PCDHGB2: variants seen among roughly 807,000 people sequenced by gnomAD.
PCDHGB2 encodes protocadherin gamma subfamily B, 2.
Under a neutral mutation model 59.3 loss-of-function variants are expected in PCDHGB2, and 55 were observed. That is an observed-to-expected ratio of 0.93 (90% CI 0.75 to 1.16). The LOEUF (loss-of-function observed/expected upper bound fraction) is 1.16, where lower values mean the gene tolerates loss of function less well. PCDHGB2 is among the 50% of genes most tolerant of loss of function. The pLI is 0.00. For missense variants in PCDHGB2, 1,228 were observed against 1,198.5 expected (o/e 1.02, Z -0.36); for synonymous variants, 516 against 512.0 (o/e 1.01, Z -0.11).
intron 1 of PCDHGB2, chr5:141,478,182 AT>A: frequency 6.2e-7 from 1 of 1,613,984 alleles, no homozygotes. Context: ...CAGAAAAAAA[AT>A]CTCACCTTTT....
At position 141,490,870 on chromosome 5, in the gene PCDHGB2, T is replaced by C; in HGVS notation, c.2422-3937T>C. Reference sequence around the variant, plus strand: ...GGTTCGAGACTCCGGCTCTCCCCCATTGCATGCCAACACATCTCTGCATGT... The same window carrying C: ...GGTTCGAGACTCCGGCTCTCCCCCACTGCATGCCAACACATCTCTGCATGT... On this transcript the variant is annotated intron_variant, in intron 1 of 3. Coordinates refer to ENST00000522605, the MANE Select transcript of PCDHGB2 (RefSeq NM_018923.3). The surrounding 1 kb of genome is among the most constrained non-coding windows in gnomAD (Gnocchi z 5.4). 6.2e-7 allele frequency: 1 copy of C among 1,613,888 alleles called. No homozygotes were observed. Among genetic ancestry groups the C allele is most frequent in the Non-Finnish European group, 8.5e-7 (1 of 1,179,932 alleles).
chr5:141,398,298 C>T (rs746476042), intron 1 of PCDHGB2: 1 of 1,362,258 alleles, frequency 7.3e-7, no homozygotes, highest in South Asian at 1.3e-5. Flanking sequence ...TGGGGTTCAG[C>T]GTCCAGGAGT....
chr5:141,366,544 G>A (rs368873957), intron 1 of PCDHGB2: 4 of 1,614,230 alleles, frequency 2.5e-6, no homozygotes, highest in Admixed American at 1.7e-5. Flanking sequence ...TGCCCGCCTC[G>A]CACTTTGTGG....
chr5:141,403,577 C>A (rs1188693688), intron 1 of PCDHGB2: 5 of 1,613,812 alleles, frequency 3.1e-6, no homozygotes, highest in Non-Finnish European at 3.4e-6. Context: ...AACTGCCCAC[C>A]ACCTGGTCCT....
Position 141,477,350 on chromosome 5 carries a change from A to G in PCDHGB2, c.2422-17457A>G. The G allele has an allele frequency of 6.2e-7, 1 of 1,614,142 alleles. No individual in the cohort carries two copies. Among genetic ancestry groups the G allele is most frequent in the Non-Finnish European group, 8.5e-7 (1 of 1,180,016 alleles). On this transcript the variant is annotated intron_variant, in intron 1 of 3. Transcript: ENST00000522605. The surrounding 1 kb of genome is among the most constrained non-coding windows in gnomAD (Gnocchi z 4.9). ...CAAGAATTACTTCACTTTGAAAACC[A>G]GTGCAGACCTGGATCGGGAGACTGT...
rs2099426122 is a variant in PCDHGB2 at position 141,477,960 on chromosome 5, A to C, written c.2422-16847A>C. On this transcript the variant is annotated intron_variant, in intron 1 of 3. Coordinates refer to ENST00000522605, the MANE Select transcript of PCDHGB2 (RefSeq NM_018923.3). This position sits in a 1 kb window ranked among gnomAD's most constrained non-coding sequence, Gnocchi z 4.9. ...TCCTACAGTCTCTTGGGATCCCCTAACCAGAGCCTTTTTGCCATAGGGCTG... is the reference window on the plus strand; with the variant it reads ...TCCTACAGTCTCTTGGGATCCCCTACCCAGAGCCTTTTTGCCATAGGGCTG... 1 of 1,613,952 alleles carries C rather than the reference A, an allele frequency of 6.2e-7. No individual in the cohort carries two copies. Among genetic ancestry groups the C allele is most frequent in the African/African-American group, 1.3e-5 (1 of 74,922 alleles).
chr5:141,375,411 C>T lies in PCDHGB2; in HGVS notation c.2421+12855C>T, dbSNP rs73265852. Reference sequence around the variant, plus strand: ...GAAACAATCATCTCTCTAAATGTGGCAGACACCAACGACAACCCGCCCACC... The same window carrying T: ...GAAACAATCATCTCTCTAAATGTGGTAGACACCAACGACAACCCGCCCACC... On this transcript the variant is annotated intron_variant, in intron 1 of 3. Coordinates refer to ENST00000522605, the MANE Select transcript of PCDHGB2 (RefSeq NM_018923.3). 1.5e-3 allele frequency: 2,401 copies of T among 1,613,970 alleles called. 32 individuals are homozygous for T. In the African/African-American group the frequency reaches 0.028, roughly 19 times the overall value.
chr5:141,403,324 T>G (rs769971532), intron 1 of PCDHGB2: 1 of 1,613,974 alleles, frequency 6.2e-7, no homozygotes, highest in East Asian at 2.2e-5. Context: ...TAGAAGTAAC[T>G]GATATTAACG....
intron 1 of PCDHGB2, chr5:141,379,639 A>G (rs1775719450): frequency 6.6e-6 from 1 of 152,198 alleles, no homozygotes; most frequent in African/African-American, 2.4e-5. Context: ...CTCTGATGGA[A>G]AAACTACCAA....
chr5:141,393,776 C>T (rs752900835), intron 1 of PCDHGB2: 10 of 1,613,596 alleles, frequency 6.2e-6, no homozygotes, highest in South Asian at 5.5e-5. Context: ...AAATACAAGC[C>T]GAAGATGTGG....
At chr5:141,387,099 T>C (rs997819435) in intron 1 of PCDHGB2, among the ~76,000 whole-genome samples, 3 of 152,210 alleles carry the variant, frequency 2.0e-5, no homozygotes, top group Admixed American at 1.3e-4. Context: ...GAAATGAGAA[T>C]CACATAATAT....
chr5:141,498,673 T>C (rs1158071657), intron 2 of PCDHGB2, among the ~76,000 whole-genome samples: 1 of 152,180 alleles, frequency 6.6e-6, no homozygotes, highest in Non-Finnish European at 1.5e-5. Flanking sequence ...GGCTCACGCC[T>C]GTAATCCCAG....
chr5:141,371,686 C>T (rs377384867), intron 1 of PCDHGB2: 11 of 1,614,026 alleles, frequency 6.8e-6, no homozygotes, highest in Non-Finnish European at 9.3e-6. Flanking sequence ...GGCAATCCAC[C>T]GCTCTCCTCC....
At chr5:141,459,945 G>T (rs113794146) in intron 1 of PCDHGB2, among the ~76,000 whole-genome samples, 54 of 152,164 alleles carry the variant, frequency 3.5e-4, no homozygotes, top group Middle Eastern at 3.2e-3. Flanking sequence ...GGGCGTGATG[G>T]CAGGTGCCTG....
At chr5:141,416,913 G>C (rs2096067624) in intron 1 of PCDHGB2, 1 of 151,920 alleles carries the variant, frequency 6.6e-6, no homozygotes, top group South Asian at 2.1e-4. Context: ...ACACTCTTTA[G>C]GGTCATAGTT....
At chr5:141,458,651 C>T (rs924873907) in intron 1 of PCDHGB2, among the ~76,000 whole-genome samples, 1 of 152,114 alleles carries the variant, frequency 6.6e-6, no homozygotes. Context: ...CTCACTGCAA[C>T]CTCCACCTCT....
rs70988802 is a variant in PCDHGB2 at position 141,450,006 on chromosome 5, C to CTA, written c.2422-44800_2422-44799insAT. ...CACATTGCATTTAGTTGCCATGTCT[C>CTA]TTTTTTTTTTTTTTTTTTGAGACAG... On this transcript the variant is annotated intron_variant, in intron 1 of 3. Coordinates refer to ENST00000522605, the MANE Select transcript of PCDHGB2 (RefSeq NM_018923.3). Among the ~76,000 whole-genome samples the CTA allele has an allele frequency of 6.0e-5, 8 of 132,986 alleles. 1 individual carries two copies. The highest frequency in any genetic ancestry group is 9.5e-5 in the Non-Finnish European group (6 of 62,926). The allele number at this position is 132,986 out of a possible 152,430, so 87.2% of individuals were successfully genotyped here. A position where few individuals can be genotyped will look rare whatever the true frequency, so the allele number is the denominator to read the frequency against.
Position 141,384,796 on chromosome 5 carries a change from C to A in PCDHGB2, c.2421+22240C>A, listed in dbSNP as rs1182973938. 1 of 1,613,330 alleles carries A rather than the reference C, an allele frequency of 6.2e-7. No homozygotes were observed. Among genetic ancestry groups the A allele is most frequent in the African/African-American group, 1.3e-5 (1 of 74,956 alleles). ...CGAGGTGCGCACGGCTCGGGCCCTG[C>A]TGGACAGAGATGCCCTCAAGCAGAG... is the stretch of plus-strand genomic sequence containing the variant. On this transcript the variant is annotated intron_variant, in intron 1 of 3. Coordinates refer to ENST00000522605, the MANE Select transcript of PCDHGB2 (RefSeq NM_018923.3).
intron 1 of PCDHGB2, among the ~76,000 whole-genome samples, chr5:141,463,314 A>G (rs1357327211): frequency 2.0e-5 from 3 of 151,098 alleles, no homozygotes; most frequent in Non-Finnish European, 2.9e-5. Context: ...TCTAATATCT[A>G]TTCCTCAACT....
Sources: gnomAD v4.1 joint callset for allele counts (sites outside exome capture counted in the v4.1 genomes callset) on GRCh38, gnomAD v4.1.1 for gene constraint, Gnocchi (gnomAD v3.1) non-coding constraint, MANE v1.5 for transcripts, NCBI Gene and HGNC (gene_info 2026-07-23, HGNC 2026-07-21) for gene names.